PRKCE: variants seen among roughly 807,000 people sequenced by gnomAD.
PRKCE encodes protein kinase C epsilon.
A neutral mutation model predicts 85.4 loss-of-function variants in PRKCE; 16 were observed. The ratio of observed to expected loss-of-function variants is 0.19; its 90% confidence interval spans 0.13 to 0.28. PRKCE has a LOEUF of 0.28. Ranked by LOEUF, PRKCE falls within the 10% of genes least tolerant of loss-of-function variation. The pLI is 1.00. For missense variants in PRKCE, 573 were observed against 975.2 expected, an observed-to-expected ratio of 0.59 and a Z score of 5.49; for synonymous variants, 388 against 371.5, an observed-to-expected ratio of 1.04 and a Z score of -0.51.
At chr2:45,976,326 C>T in intron 2 of PRKCE, 103 bp from the exon 3 acceptor site, 1 of 1,380,098 alleles carries the variant, frequency 7.2e-7, no homozygotes, top group Admixed American at 2.0e-5. Context: ...TCACCCACCC[C>T]AGCTCCACTC....
At chr2:45,785,265 C>T (rs186318169) in intron 1 of PRKCE, among the ~76,000 whole-genome samples, 1 of 152,200 alleles carries the variant, frequency 6.6e-6, no homozygotes, top group Non-Finnish European at 1.5e-5. Context: ...CTGAGGCGGG[C>T]AGATCACTTG....
chr2:45,683,501 C>A (rs1677063722), intron 1 of PRKCE, among the ~76,000 whole-genome samples: 1 of 152,116 alleles, frequency 6.6e-6, no homozygotes, highest in Non-Finnish European at 1.5e-5. Context: ...CCAAGTAGTT[C>A]TAGACCCAAC....
chr2:45,904,597 G>A (rs1267312069), intron 2 of PRKCE, among the ~76,000 whole-genome samples: 3 of 152,198 alleles, frequency 2.0e-5, no homozygotes, highest in Admixed American at 6.5e-5. Context: ...GAAGCGAAAT[G>A]TCTTAGCTCC....
chr2:46,057,146 C>T (rs534692908), intron 10 of PRKCE, among the ~76,000 whole-genome samples: 2 of 152,288 alleles, frequency 1.3e-5, no homozygotes, highest in Admixed American at 1.3e-4. Context: ...TCAAGCTGCT[C>T]ACGTGGTGGC....
intron 10 of PRKCE, among the ~76,000 whole-genome samples, chr2:46,048,395 C>G (rs1225461917): frequency 6.6e-6 from 1 of 152,164 alleles, no homozygotes; most frequent in Non-Finnish European, 1.5e-5. Context: ...CTTTTGTATT[C>G]CAGCCCCCAT....
intron 1 of PRKCE, among the ~76,000 whole-genome samples, chr2:45,741,639 C>T (rs371195364): frequency 1.1e-3 from 144 of 136,738 alleles, no homozygotes; most frequent in African/African-American, 5.0e-3. Context: ...ACGTTTTGGG[C>T]ATGTGCAAGT....
intron 1 of PRKCE, among the ~76,000 whole-genome samples, chr2:45,769,768 C>G (rs1186528613): frequency 6.6e-6 from 1 of 152,164 alleles, no homozygotes; most frequent in Non-Finnish European, 1.5e-5. Context: ...TACAAATCAA[C>G]CAGATACAGA....
chr2:45,900,183 G>T (rs1406304763), intron 2 of PRKCE, among the ~76,000 whole-genome samples: 2 of 152,196 alleles, frequency 1.3e-5, no homozygotes, highest in Admixed American at 6.5e-5. Context: ...ATGTAATGTG[G>T]TGCAGCCCCT....
At position 46,004,618 on chromosome 2, in the gene PRKCE, C is replaced by G; in HGVS notation, c.1043C>G (p.Pro348Arg). 1 of 1,588,624 alleles carries G rather than the reference C, an allele frequency of 6.3e-7. No individual in the cohort carries two copies. Among genetic ancestry groups the G allele is most frequent in the South Asian group, 1.1e-5 (1 of 88,498 alleles). The stretch of plus-strand genomic sequence containing the variant: ...GAGGAAGATCGATCCAAGTCAGCAC[C>G]CACCTCCCCTTGTGACCAGGGTGAG... ...PSEEDRSKSA[P>R]TSPCDQEIKE... The change falls in exon 8 of 15, where the codon CCC (proline) becomes CGC (arginine). Residue 348 changes from proline to arginine, a missense_variant. Transcript: ENST00000306156. The surrounding 1 kb of genome is among the most constrained non-coding windows in gnomAD (Gnocchi z 4.1).
rs189086261 is a variant in PRKCE, at chr2:46,176,385, C to T, written c.2068-8350C>T. On this transcript the variant is annotated intron_variant, in intron 14 of 14. Coordinates refer to ENST00000306156, the MANE Select transcript of PRKCE (RefSeq NM_005400.3). ...ATTCCAGGTTACGGAAGAATCTGCT[C>T]TGCCTACTGCTTGGTAAATTGGAAA... is the stretch of plus-strand genomic sequence containing the variant. 7.2e-5 allele frequency among the ~76,000 whole-genome samples: 11 copies of T among 152,114 alleles called. No individual in the cohort carries two copies. In the East Asian group the frequency reaches 2.1e-3, roughly 30 times the overall value.
intron 1 of PRKCE, among the ~76,000 whole-genome samples, chr2:45,659,661 C>A (rs1675544098): frequency 6.6e-6 from 1 of 152,162 alleles, no homozygotes; most frequent in Non-Finnish European, 1.5e-5. Context: ...ATGCACTTAC[C>A]ATGCTCCTGC....
intron 1 of PRKCE, among the ~76,000 whole-genome samples, chr2:45,828,306 A>G (rs1354240379): frequency 6.6e-6 from 1 of 152,258 alleles, no homozygotes; most frequent in Non-Finnish European, 1.5e-5. Flanking sequence ...AAGCTGAGGC[A>G]GGAGAATTGC....
At chr2:45,787,597 A>G (rs1420596567) in intron 1 of PRKCE, among the ~76,000 whole-genome samples, 1 of 152,200 alleles carries the variant, frequency 6.6e-6, no homozygotes, top group African/African-American at 2.4e-5. Flanking sequence ...CATGCTATGG[A>G]AAGCCCTTCA....
At chr2:46,165,877 G>T (rs1678290341) in intron 14 of PRKCE, among the ~76,000 whole-genome samples, 1 of 152,242 alleles carries the variant, frequency 6.6e-6, no homozygotes, top group Non-Finnish European at 1.5e-5. Flanking sequence ...GTGAAAGCCA[G>T]AGGCAATGAG....
At position 45,651,910 on chromosome 2, in the gene PRKCE, G is replaced by T; in HGVS notation, c.-191G>T. 1 of 495,600 alleles carries T rather than the reference G, an allele frequency of 2.0e-6. No homozygotes were observed. The highest frequency in any genetic ancestry group is 3.8e-5 in the South Asian group (1 of 26,564). The allele number at this position is 495,600 out of a possible 1,614,324, so 30.7% of individuals were successfully genotyped here. A position where few individuals can be genotyped will look rare whatever the true frequency, so the allele number is the denominator to read the frequency against. On this transcript the variant is annotated 5_prime_UTR_variant, in exon 1 of 15. Coordinates refer to ENST00000306156, the MANE Select transcript of PRKCE (RefSeq NM_005400.3). ...CCTCCCTGTTTTCCGTTAGGAACCC[G>T]GCGAGGAAATACATGCACTGGCTGA...
chr2:45,742,509 A>T (rs760284488), intron 1 of PRKCE, among the ~76,000 whole-genome samples: 3 of 152,202 alleles, frequency 2.0e-5, no homozygotes, highest in Admixed American at 2.0e-4. Context: ...ACCAACAGGT[A>T]TATGAAAGGG....
At chr2:45,980,455 C>A in intron 5 of PRKCE, 74 bp downstream of exon 5, 5 of 1,361,416 alleles carry the variant, frequency 3.7e-6, no homozygotes, top group Non-Finnish European at 5.2e-6. Flanking sequence ...TTCTGTGGTT[C>A]CCAAGAAAAC....
At chr2:45,942,802 T>C (rs1699979266) in intron 2 of PRKCE, among the ~76,000 whole-genome samples, 2 of 152,232 alleles carry the variant, frequency 1.3e-5, no homozygotes, top group African/African-American at 2.4e-5. Context: ...ATAGTACACA[T>C]GTAACTAAAT....
At chr2:45,930,312 A>G (rs1372180208) in intron 2 of PRKCE, among the ~76,000 whole-genome samples, 1 of 152,258 alleles carries the variant, frequency 6.6e-6, no homozygotes, top group Admixed American at 6.5e-5. Flanking sequence ...ATGGCCTGGT[A>G]CTACCTACCA....
Sources: gnomAD v4.1 joint callset for allele counts (sites outside exome capture counted in the v4.1 genomes callset) on GRCh38, gnomAD v4.1.1 for gene constraint, Gnocchi (gnomAD v3.1) non-coding constraint, MANE v1.5 for transcripts, NCBI Gene and HGNC (gene_info 2026-07-23, HGNC 2026-07-21) for gene names.